FLT4: variants seen among roughly 807,000 people sequenced by gnomAD.
FLT4 encodes the protein vascular endothelial growth factor receptor 3.
A neutral mutation model predicts 163.2 loss-of-function variants in FLT4; 30 were observed. That is an observed-to-expected ratio of 0.18 (90% confidence interval 0.14 to 0.25). The LOEUF (loss-of-function observed/expected upper bound fraction) is 0.25. Among genes scored for constraint, FLT4 ranks in the 10% least tolerant of loss-of-function variants. FLT4 has a pLI of 1.00. For synonymous variants in FLT4, 884 were observed against 789.5 expected, an observed-to-expected ratio of 1.12 and a Z score of -2.01; for missense variants, 1,510 against 1,863.8, an observed-to-expected ratio of 0.81 and a Z score of 3.50.
intron 29 of FLT4, among the ~76,000 whole-genome samples, chr5:180,608,656 G>A (rs1028959083): frequency 6.6e-6 from 1 of 152,154 alleles, no homozygotes; most frequent in Non-Finnish European, 1.5e-5. Flanking sequence ...TCCCCAACCT[G>A]GAGGAGAGTG....
intron 24 of FLT4, 86 bp downstream of exon 24, chr5:180,613,982 G>C: frequency 1.1e-6 from 1 of 943,780 alleles, no homozygotes; most frequent in South Asian, 1.3e-5. Context: ...CAGGTGCCCA[G>C]TCCCTTACTC....
chr5:180,625,892 G>A lies in FLT4; in HGVS notation c.1398C>T (p.Cys466=), dbSNP rs1329491074. Residue 466 remains cysteine (C), a synonymous_variant, in exon 10 of 30, where the codon TGC becomes TGT. Transcript: ENST00000261937. ...IQWHWRPWTP[C]KMFAQRSLRR... ...ACAGACTACGCTGGGCAAACATCTT[G>A]CAGGGTGTCCAGGGCCGCCAGTGCC... 1 of 1,612,074 alleles carries A rather than the reference G, an allele frequency of 6.2e-7. No individual in the cohort carries two copies. The highest frequency in any genetic ancestry group is 1.7e-5 in the Admixed American group (1 of 60,012).
rs1019001969 is a variant in FLT4 at position 180,630,400 on chromosome 5, C to T, written c.401-63G>A. 3.5e-5 allele frequency: 55 copies of T among 1,560,312 alleles called. 1 individual carries two copies. The highest frequency in any genetic ancestry group is 1.7e-4 in the South Asian group (15 of 89,772). On this transcript the variant is annotated intron_variant, in intron 3 of 29. Transcript: ENST00000261937. This position sits in a 1 kb window ranked among gnomAD's most constrained non-coding sequence, Gnocchi z 6.3. ...GCGGCCAGGCTGGGGGAGGGCTCCA[C>T]GGGGCTGGGTGGTGCTGGTCCTGAA...
At chr5:180,644,064 G>A (rs113649219) in intron 1 of FLT4, among the ~76,000 whole-genome samples, 6,189 of 152,226 alleles carry the variant, frequency 0.041, 185 homozygotes, top group South Asian at 0.12. Context: ...TGATCCGCCC[G>A]CCTTGGCCTC....
At position 180,621,209 on chromosome 5, in the gene FLT4, C is replaced by G; in HGVS notation, c.2064G>C (p.Leu688=). The change falls in exon 14 of 30, where the codon CTG becomes CTC. Residue 688 remains leucine (L), a synonymous_variant. Coordinates refer to ENST00000261937, the MANE Select transcript of FLT4 (RefSeq NM_182925.5). ...PRLTQNLTDL[L]VNVSDSLEMQ... ...TCTCCAGCGAGTCGCTCACGTTCAC[C>G]AGGAGGTCGGTCAAGTTCTGCGTGA... is the stretch of plus-strand genomic sequence containing the variant. 6.2e-7 allele frequency: 1 copy of G among 1,612,786 alleles called. No individual in the cohort carries two copies. Among genetic ancestry groups the G allele is most frequent in the Non-Finnish European group, 8.5e-7 (1 of 1,179,938 alleles).
chr5:180,631,460 G>C (rs559135800), intron 2 of FLT4, among the ~76,000 whole-genome samples: 1 of 151,860 alleles, frequency 6.6e-6, no homozygotes, highest in Non-Finnish European at 1.5e-5. Context: ...GTGACAGAGT[G>C]AGACTCCATC....
chr5:180,638,502 G>A (rs970594727), intron 1 of FLT4, among the ~76,000 whole-genome samples: 3 of 152,166 alleles, frequency 2.0e-5, no homozygotes, highest in Non-Finnish European at 4.4e-5. Flanking sequence ...CCTGCCTCTG[G>A]GCCCCGCTCC....
chr5:180,634,760 G>C (rs1193235286), intron 1 of FLT4, among the ~76,000 whole-genome samples: 2 of 121,326 alleles, frequency 1.6e-5, no homozygotes, highest in Non-Finnish European at 3.3e-5. Flanking sequence ...GATGAATGAT[G>C]AATCGCCAGA....
intron 23 of FLT4, among the ~76,000 whole-genome samples, chr5:180,614,875 C>T (rs1158264270): frequency 2.0e-5 from 3 of 152,034 alleles, no homozygotes; most frequent in Non-Finnish European, 4.4e-5. Flanking sequence ...CCCCCTCTGA[C>T]ACCCTTTCTC....
At chr5:180,612,730 C>T (rs1363042688) in intron 25 of FLT4, 119 bp from the exon 26 acceptor site, 1 of 766,664 alleles carries the variant, frequency 1.3e-6, no homozygotes, top group Admixed American at 1.9e-5. Context: ...ACGTCTCCCA[C>T]TCTTGTCCAG....
rs187384017 is a variant in FLT4, at chr5:180,607,456, C to T, written c.3893+1512G>A. Reference sequence around the variant, plus strand: ...ATCGAGACCATCCTGGCTAACATGGCGAAACCCGGTCTCTACTAAAAAAAA... The same window carrying T: ...ATCGAGACCATCCTGGCTAACATGGTGAAACCCGGTCTCTACTAAAAAAAA... On this transcript the variant is annotated intron_variant, in intron 29 of 29. Transcript: ENST00000261937. Among the ~76,000 whole-genome samples, 470 of 151,802 alleles carry T rather than the reference C, an allele frequency of 3.1e-3. 3 individuals carry two copies. Among genetic ancestry groups the T allele is most frequent in the African/African-American group, 0.011 (449 of 41,390 alleles).
At position 180,630,330 on chromosome 5, in the gene FLT4, C is replaced by T. The variant is rs780487134; in HGVS notation, c.408G>A (p.Glu136=). 1 of 1,609,752 alleles carries T rather than the reference C, an allele frequency of 6.2e-7. No individual in the cohort carries two copies. Among genetic ancestry groups the T allele is most frequent in the Admixed American group, 1.7e-5 (1 of 60,014 alleles). ...TGTCAGGCTTGTTGATGAATGGCTG[C>T]TCAAAGTCTATGGAGAGGGAGCAAG... ...ASSYVFVRDF[E]QPFINKPDTL... is the part of the protein sequence containing the mutation. Residue 136 remains glutamate (E), a synonymous_variant, in exon 4 of 30, where the codon GAG becomes GAA. Coordinates refer to ENST00000261937, the MANE Select transcript of FLT4 (RefSeq NM_182925.5). This position sits in a 1 kb window ranked among gnomAD's most constrained non-coding sequence, Gnocchi z 6.3.
At chr5:180,619,499 G>T in intron 18 of FLT4, 133 bp from the exon 19 acceptor site, 1 of 927,050 alleles carries the variant, frequency 1.1e-6, no homozygotes, top group Non-Finnish European at 1.8e-6. Context: ...AGGCAGAGGG[G>T]GTTCGGGTGG....
rs1764434191 is a variant in FLT4, at chr5:180,634,811, TGG to T, written c.59-3035_59-3034del. On this transcript the variant is annotated intron_variant, in intron 1 of 29. Coordinates refer to ENST00000261937, the MANE Select transcript of FLT4 (RefSeq NM_182925.5). ...ATGAGTGGACAGACAGATGGGTGGA[TGG>T]GTGGGTGGGTGGGTGGGAGGATGGA... is the stretch of plus-strand genomic sequence containing the variant. Among the ~76,000 whole-genome samples, 2 of 458 alleles carry T rather than the reference TGG, an allele frequency of 4.4e-3. 1 individual carries two copies. Among genetic ancestry groups the T allele is most frequent in the African/African-American group, 0.019 (2 of 104 alleles). The allele number at this position is 458 out of a possible 152,430, so 0.3% of individuals were successfully genotyped here.
Position 180,618,986 on chromosome 5 carries a change from C to T in FLT4, c.2850+35G>A, listed in dbSNP as rs774180284. 3.2e-6 allele frequency: 5 copies of T among 1,549,240 alleles called. No individual in the cohort carries two copies. In the Admixed American group the frequency reaches 6.0e-5, roughly 18 times the overall value. ...CGCCGCAGAGGCGCCTCCATTCCCC[C>T]GCCGCCCGCGGCGCCCCGCAGGCCG... On this transcript the variant is annotated intron_variant, in intron 20 of 29. Transcript: ENST00000261937.
intron 1 of FLT4, among the ~76,000 whole-genome samples, chr5:180,639,502 G>A (rs1020870010): frequency 3.9e-5 from 6 of 152,042 alleles, no homozygotes; most frequent in East Asian, 1.9e-4. Flanking sequence ...AAGGATGAAC[G>A]AATGGCTGGA....
intron 1 of FLT4, among the ~76,000 whole-genome samples, chr5:180,646,786 G>A (rs1260785935): frequency 6.6e-6 from 1 of 152,168 alleles, no homozygotes; most frequent in Non-Finnish European, 1.5e-5. Context: ...GGGTCGGGGT[G>A]CCACTGCTGG....
intron 29 of FLT4, among the ~76,000 whole-genome samples, chr5:180,608,702 C>T (rs1251109102): frequency 6.6e-6 from 1 of 152,090 alleles, no homozygotes; most frequent in African/African-American, 2.4e-5. Flanking sequence ...CGTGTGGTGT[C>T]AGAAAGACAC....
At position 180,612,627 on chromosome 5, in the gene FLT4, G is replaced by C; in HGVS notation, c.3432-16C>G. 1 of 1,597,758 alleles carries C rather than the reference G, an allele frequency of 6.3e-7. No homozygotes were observed. The highest frequency in any genetic ancestry group is 8.6e-7 in the Non-Finnish European group (1 of 1,165,064). Reference sequence around the variant, plus strand: ...GATGCGGCGTCTGCAGGATCACGTGGGCTGCTGGACTGCATGCACCCCACC... The same window carrying C: ...GATGCGGCGTCTGCAGGATCACGTGCGCTGCTGGACTGCATGCACCCCACC... On this transcript the variant is annotated splice_polypyrimidine_tract_variant and intron_variant, in intron 25 of 29. Coordinates refer to ENST00000261937, the MANE Select transcript of FLT4 (RefSeq NM_182925.5).
Sources: gnomAD v4.1 joint callset for allele counts (sites outside exome capture counted in the v4.1 genomes callset) on GRCh38, gnomAD v4.1.1 for gene constraint, Gnocchi (gnomAD v3.1) non-coding constraint, MANE v1.5 for transcripts, NCBI Gene and HGNC (gene_info 2026-07-23, HGNC 2026-07-21) for gene names.